Variants in COG5 observed in about 807,000 individuals in gnomAD.
The protein encoded by COG5 is conserved oligomeric Golgi complex subunit 5.
In COG5, 86 loss-of-function variants were observed where a neutral mutation model predicts 110.4. That is an observed-to-expected ratio of 0.78 (90% CI 0.65 to 0.93). The LOEUF is 0.93. COG5 is among the 40% of genes least tolerant of loss of function. The pLI is 0.00. For synonymous variants in COG5, 360 were observed against 334.6 expected (o/e 1.08, Z -0.83); for missense variants, 1,077 against 987.0 (o/e 1.09, Z -1.22).
At chr7:107,297,115 G>A (rs1806815395) in intron 12 of COG5, among the ~76,000 whole-genome samples, 1 of 152,128 alleles carries the variant, frequency 6.6e-6, no homozygotes, top group African/African-American at 2.4e-5. Context: ...ATTTTCAGGG[G>A]TAATTTTAAC....
chr7:107,384,325 C>A (rs1815381066), intron 7 of COG5, among the ~76,000 whole-genome samples: 1 of 152,102 alleles, frequency 6.6e-6, no homozygotes, highest in Non-Finnish European at 1.5e-5. Flanking sequence ...GGGAATGAAA[C>A]AGCCAGGTGG....
At chr7:107,507,613 A>G (rs1799126285) in intron 6 of COG5, among the ~76,000 whole-genome samples, 1 of 151,754 alleles carries the variant, frequency 6.6e-6, no homozygotes, top group Admixed American at 6.6e-5. Context: ...GCCGAAATAA[A>G]ACTTTCTAAA....
Position 107,563,909 on chromosome 7 carries a change from C to G in COG5, c.-13G>C. On this transcript the variant is annotated 5_prime_UTR_variant, in exon 1 of 22. Coordinates refer to ENST00000297135, the MANE Select transcript of COG5 (RefSeq NM_006348.5). ...CGCCACCTTCCATGTTGGCAGGTGC[C>G]GGGTTGATGTCGTCAGCAGCAGAAC... is the stretch of plus-strand genomic sequence containing the variant. The G allele has an allele frequency of 6.2e-7, 1 of 1,613,454 alleles. No homozygotes were observed. Among genetic ancestry groups the G allele is most frequent in the Non-Finnish European group, 8.5e-7 (1 of 1,179,892 alleles).
chr7:107,447,952 T>G (rs1192765967), intron 6 of COG5, among the ~76,000 whole-genome samples: 1 of 152,202 alleles, frequency 6.6e-6, no homozygotes, highest in Non-Finnish European at 1.5e-5. Flanking sequence ...GTTCAGGAGT[T>G]CGAGACCAGC....
chr7:107,521,449 GAAAC>G (rs1196246010), intron 6 of COG5, among the ~76,000 whole-genome samples: 1 of 151,834 alleles, frequency 6.6e-6, no homozygotes, highest in African/African-American at 2.4e-5. Context: ...AATTTACAAG[GAAAC>G]AAACAAAAAA....
chr7:107,555,473 A>G (rs899033379), intron 2 of COG5, among the ~76,000 whole-genome samples: 1 of 152,134 alleles, frequency 6.6e-6, no homozygotes, highest in Admixed American at 6.5e-5. Flanking sequence ...ATATCTACTC[A>G]AAGTATTACT....
At chr7:107,478,878 C>T (rs1584876517) in intron 6 of COG5, among the ~76,000 whole-genome samples, 1 of 152,102 alleles carries the variant, frequency 6.6e-6, no homozygotes, top group East Asian at 1.9e-4. Context: ...AGGGCTTATT[C>T]CACATAGTAT....
intron 6 of COG5, among the ~76,000 whole-genome samples, chr7:107,508,805 A>T (rs1435849110): frequency 1.3e-5 from 2 of 152,228 alleles, no homozygotes; most frequent in African/African-American, 4.8e-5. Flanking sequence ...GTGGACCTCT[A>T]GCAAACTCCA....
At chr7:107,279,300 A>G (rs1804973956) in intron 14 of COG5, among the ~76,000 whole-genome samples, 2 of 152,110 alleles carry the variant, frequency 1.3e-5, no homozygotes, top group Non-Finnish European at 2.9e-5. Flanking sequence ...AGATTCTGTC[A>G]TTTCTTAATC....
intron 7 of COG5, among the ~76,000 whole-genome samples, chr7:107,391,840 G>A (rs909043890): frequency 1.3e-5 from 2 of 152,036 alleles, no homozygotes; most frequent in South Asian, 2.1e-4. Flanking sequence ...GCCTGTAATC[G>A]TAGCACTTTG....
intron 6 of COG5, among the ~76,000 whole-genome samples, chr7:107,509,970 G>T (rs1043485729): frequency 6.6e-6 from 1 of 152,048 alleles, no homozygotes; most frequent in African/African-American, 2.4e-5. Context: ...GACCATCAAG[G>T]CTAGGAAGAA....
At chr7:107,442,284 A>G (rs1163066062) in intron 6 of COG5, among the ~76,000 whole-genome samples, 4 of 152,148 alleles carry the variant, frequency 2.6e-5, no homozygotes, top group Non-Finnish European at 5.9e-5. Flanking sequence ...TTCCACCATG[A>G]TTATAAGTCT....
In COG5 at chr7:107,474,380, T is replaced by G; in HGVS notation, c.538+52857A>C. ...ACTATAGTTATCCTTCTGCTTTCAC[T>G]GGAGAGTAACACTGCTCTCATTTGC... On this transcript the variant is annotated intron_variant, in intron 6 of 21. Coordinates refer to ENST00000297135, the MANE Select transcript of COG5 (RefSeq NM_006348.5). This position sits in a 1 kb window ranked among gnomAD's most constrained non-coding sequence, Gnocchi z 5.7. 1 of 1,612,162 alleles carries G rather than the reference T, an allele frequency of 6.2e-7. No individual in the cohort carries two copies. The highest frequency in any genetic ancestry group is 8.5e-7 in the Non-Finnish European group (1 of 1,178,388).
chr7:107,526,130 T>A (rs1800716153), intron 6 of COG5, among the ~76,000 whole-genome samples: 1 of 152,238 alleles, frequency 6.6e-6, no homozygotes, highest in African/African-American at 2.4e-5. Context: ...AATGTACATT[T>A]CTCTGATACT....
chr7:107,317,450 G>A (rs1189714346), intron 11 of COG5, among the ~76,000 whole-genome samples: 1 of 152,118 alleles, frequency 6.6e-6, no homozygotes, highest in Admixed American at 6.6e-5. Flanking sequence ...AAGGTTTAGA[G>A]GGAACATCCT....
intron 2 of COG5, 126 bp from the exon 3 acceptor site, chr7:107,554,468 A>T (rs1803153076): frequency 2.5e-6 from 2 of 788,644 alleles, no homozygotes; most frequent in Non-Finnish European, 4.3e-6. Flanking sequence ...AGAAAAAACC[A>T]CAGGTTTTTA....
At chr7:107,270,613 AAAAG>A (rs1236336850) in intron 14 of COG5, among the ~76,000 whole-genome samples, 1 of 149,902 alleles carries the variant, frequency 6.7e-6, no homozygotes, top group East Asian at 2.0e-4. Context: ...TAGACCCAAG[AAAAG>A]AAAGATGTTA....
chr7:107,528,000 C>T (rs150245730), intron 5 of COG5, among the ~76,000 whole-genome samples: 1 of 152,298 alleles, frequency 6.6e-6, no homozygotes, highest in African/African-American at 2.4e-5. Flanking sequence ...CAGCTTCCTA[C>T]TACTGCCTCC....
intron 19 of COG5, among the ~76,000 whole-genome samples, chr7:107,229,375 G>C (rs1188797711): frequency 6.6e-6 from 1 of 152,118 alleles, no homozygotes. Context: ...CTTGAACCCG[G>C]GAGGTGGAAG....
Sources: allele counts gnomAD v4.1 joint callset (sites outside exome capture counted in the v4.1 genomes callset), GRCh38; gene constraint gnomAD v4.1.1; non-coding constraint Gnocchi (gnomAD v3.1); transcripts MANE v1.5; gene names NCBI Gene and HGNC (gene_info 2026-07-23, HGNC 2026-07-21).